Variants in MBNL2 observed in about 807,000 individuals in gnomAD.
MBNL2 encodes the protein muscleblind-like protein 2.
MBNL2 carries 17 observed loss-of-function variants against 41.9 expected under a neutral mutation model. That is an observed-to-expected ratio of 0.41 (90% CI 0.28 to 0.61). MBNL2 has a LOEUF of 0.61. MBNL2 is among the 20% of genes least tolerant of loss of function. The probability of loss-of-function intolerance (pLI) is 0.35; values close to 1 mark genes in which losing one functional copy is unlikely to be tolerated. For synonymous variants in MBNL2, 195 were observed against 182.9 expected (o/e 1.07, Z -0.53); for missense variants, 336 against 505.6 (o/e 0.66, Z 3.22).
intron 1 of MBNL2, among the ~76,000 whole-genome samples, chr13:97,249,142 T>C (rs2046046501): frequency 6.6e-6 from 1 of 152,240 alleles, no homozygotes; most frequent in Non-Finnish European, 1.5e-5. Context: ...ATATGCCTAC[T>C]ATATCGTCGT....
chr13:97,357,889 G>T, intron 7 of MBNL2: 1 of 540,544 alleles, frequency 1.8e-6, no homozygotes, highest in African/African-American at 1.9e-5. Flanking sequence ...TAGGGCTTTT[G>T]GTTTCTTGTA....
At chr13:97,373,465 T>TAAA (rs550244280) in intron 8 of MBNL2, among the ~76,000 whole-genome samples, 18 of 140,810 alleles carry the variant, frequency 1.3e-4, no homozygotes, top group African/African-American at 4.7e-4. Context: ...TTTCTTTGTG[T>TAAA]AAAAAAAAAA....
rs1222598409 is a variant in MBNL2 at position 97,373,016 on chromosome 13, A to G, written c.1048+7845A>G. On this transcript the variant is annotated intron_variant, in intron 8 of 8. Coordinates refer to ENST00000679496, the MANE Select transcript of MBNL2 (RefSeq NM_001382683.1). The stretch of plus-strand genomic sequence containing the variant: ...AAAAATCTTGGTTCAGCAAGGCCCC[A>G]GTGTGGGAGGAGTAGGATCCTGTCC... Among the ~76,000 whole-genome samples the G allele has an allele frequency of 2.6e-5, 4 of 152,216 alleles. No individual in the cohort carries two copies. In the South Asian group the frequency reaches 8.3e-4, roughly 32 times the overall value.
At position 97,276,170 on chromosome 13, in the gene MBNL2, A is replaced by G; in HGVS notation, c.-66A>G. The G allele has an allele frequency of 7.9e-7, 1 of 1,266,340 alleles. No individual in the cohort carries two copies. Among genetic ancestry groups the G allele is most frequent in the Non-Finnish European group, 1.1e-6 (1 of 879,870 alleles). 78.4% of individuals were successfully genotyped at this position (1,266,340 alleles called of 1,614,324 possible). A position where few individuals can be genotyped will look rare whatever the true frequency, so the allele number is the denominator to read the frequency against. On this transcript the variant is annotated 5_prime_UTR_variant, in exon 2 of 9. Coordinates refer to ENST00000679496, the MANE Select transcript of MBNL2 (RefSeq NM_001382683.1). Reference sequence around the variant, plus strand: ...GGAGTTTTCACAACAGTAGTTTTGGAATCATTAGAACTTGGATTGATTTCA... The same window carrying G: ...GGAGTTTTCACAACAGTAGTTTTGGGATCATTAGAACTTGGATTGATTTCA...
At chr13:97,315,405 C>T (rs1218505435) in intron 2 of MBNL2, among the ~76,000 whole-genome samples, 1 of 152,192 alleles carries the variant, frequency 6.6e-6, no homozygotes, top group Non-Finnish European at 1.5e-5. Flanking sequence ...TGGCTATTCC[C>T]AATGGCAGGA....
At position 97,346,917 on chromosome 13, in the gene MBNL2, T is replaced by C. The variant is rs1327917928; in HGVS notation, c.654T>C (p.Cys218=). The change falls in exon 5 of 9, where the codon TGT becomes TGC. Residue 218 remains cysteine, a synonymous_variant. Coordinates refer to ENST00000679496, the MANE Select transcript of MBNL2 (RefSeq NM_001382683.1). This position sits in a 1 kb window ranked among gnomAD's most constrained non-coding sequence, Gnocchi z 4.2. Reference sequence around the variant, plus strand: ...CAAGTGACAACACCGTAACCGTTTGTATGGATTACATAAAGGGGCGTTGCA... The same window carrying C: ...CAAGTGACAACACCGTAACCGTTTGCATGGATTACATAAAGGGGCGTTGCA... ...IDTSDNTVTV[C]MDYIKGRCMR... The C allele has an allele frequency of 6.2e-7, 1 of 1,614,130 alleles. No individual in the cohort carries two copies.
rs73555790 is a variant in MBNL2 at position 97,267,268 on chromosome 13, G to C, written c.-604-8364G>C. Among the ~76,000 whole-genome samples, 990 of 152,278 alleles carry C rather than the reference G, an allele frequency of 6.5e-3. 12 individuals are homozygous for C. Among genetic ancestry groups the C allele is most frequent in the African/African-American group, 0.023 (938 of 41,548 alleles). Reference sequence around the variant, plus strand: ...AGCTGCAAAAGAATGTGAGCGGCAAGTTCTTTTATACAGTCAAAAGTGAAT... The same window carrying C: ...AGCTGCAAAAGAATGTGAGCGGCAACTTCTTTTATACAGTCAAAAGTGAAT... On this transcript the variant is annotated intron_variant, in intron 1 of 8. Coordinates refer to ENST00000679496, the MANE Select transcript of MBNL2 (RefSeq NM_001382683.1).
chr13:97,329,650 A>ACACATACAACATG (rs2060218829), intron 2 of MBNL2, among the ~76,000 whole-genome samples: 1 of 151,810 alleles, frequency 6.6e-6, no homozygotes, highest in Non-Finnish European at 1.5e-5. Context: ...CACACACAAT[A>ACACATACAACATG]CACACACATG....
chr13:97,155,381 C>CTT, the MBNL2 span, among the ~76,000 whole-genome samples: 4 of 139,874 alleles, frequency 2.9e-5, no homozygotes, highest in East Asian at 2.1e-4. Context: ...AAGTAATTTT[C>CTT]TTTTTTTTTT....
the MBNL2 span, among the ~76,000 whole-genome samples, chr13:97,214,799 G>A: frequency 0.16 from 25,067 of 152,206 alleles, 2,688 homozygotes; most frequent in African/African-American, 0.31. Context: ...AGTGAGCACA[G>A]TGACAGATGC....
the MBNL2 span, among the ~76,000 whole-genome samples, chr13:97,192,771 A>G: frequency 6.6e-6 from 1 of 152,202 alleles, no homozygotes; most frequent in African/African-American, 2.4e-5. Context: ...ATTAGCTTTC[A>G]CTCTCAAACA....
rs756068184 is a variant in MBNL2, at chr13:97,366,630, G to T, written c.1048+1459G>T. The T allele has an allele frequency of 6.5e-6, 6 of 927,716 alleles. No individual in the cohort carries two copies. The highest frequency in any genetic ancestry group is 1.4e-5 in the South Asian group (1 of 72,066). 57.5% of individuals were successfully genotyped at this position (927,716 alleles called of 1,614,324 possible). A position where few individuals can be genotyped will look rare whatever the true frequency, so the allele number is the denominator to read the frequency against. On this transcript the variant is annotated intron_variant, in intron 8 of 8. Coordinates refer to ENST00000679496, the MANE Select transcript of MBNL2 (RefSeq NM_001382683.1). This position sits in a 1 kb window ranked among gnomAD's most constrained non-coding sequence, Gnocchi z 4.7. ...CTGATATTTAAAAAAAAAATTCTCGGTGAGAATTTTTTTTTCATGTTTATC... is the reference window on the plus strand; with the variant it reads ...CTGATATTTAAAAAAAAAATTCTCGTTGAGAATTTTTTTTTCATGTTTATC...
At chr13:97,159,461 C>G in the MBNL2 span, among the ~76,000 whole-genome samples, 1 of 151,228 alleles carries the variant, frequency 6.6e-6, no homozygotes, top group Non-Finnish European at 1.5e-5. Context: ...GGTTATTTTG[C>G]TCGTTCGTTG....
At chr13:97,206,395 G>A in the MBNL2 span, among the ~76,000 whole-genome samples, 1 of 152,074 alleles carries the variant, frequency 6.6e-6, no homozygotes, top group African/African-American at 2.4e-5. Flanking sequence ...TATGGGAGTG[G>A]AAGGGAGGGG....
intron 7 of MBNL2, among the ~76,000 whole-genome samples, chr13:97,363,874 A>G (rs1263993101): frequency 1.3e-5 from 2 of 152,156 alleles, no homozygotes; most frequent in African/African-American, 2.4e-5. Flanking sequence ...GTCGCCCTCC[A>G]GCGTGAACAG....
intron 8 of MBNL2, among the ~76,000 whole-genome samples, chr13:97,373,856 G>A (rs1483548956): frequency 6.6e-6 from 1 of 151,930 alleles, no homozygotes; most frequent in Non-Finnish European, 1.5e-5. Context: ...TGTAAGTGTT[G>A]TAATCTAGTA....
chr13:97,305,610 A>AG (rs2058049860), intron 2 of MBNL2, among the ~76,000 whole-genome samples: 1 of 48,408 alleles, frequency 2.1e-5, no homozygotes, highest in South Asian at 9.0e-4. Flanking sequence ...CAAAAAATAC[A>AG]AAAAATTAGC....
At chr13:97,143,458 A>C in the MBNL2 span, among the ~76,000 whole-genome samples, 1 of 152,220 alleles carries the variant, frequency 6.6e-6, no homozygotes, top group Non-Finnish European at 1.5e-5. Context: ...TCTAACATGC[A>C]AAACTGCATG....
chr13:97,279,314 G>T (rs906370600), intron 2 of MBNL2, among the ~76,000 whole-genome samples: 1 of 152,164 alleles, frequency 6.6e-6, no homozygotes, highest in African/African-American at 2.4e-5. Context: ...TACCTCGTTG[G>T]CTTCAGTTTT....
Sources: allele counts gnomAD v4.1 joint callset (sites outside exome capture counted in the v4.1 genomes callset), GRCh38; gene constraint gnomAD v4.1.1; non-coding constraint Gnocchi (gnomAD v3.1); transcripts MANE v1.5; gene names NCBI Gene and HGNC (gene_info 2026-07-23, HGNC 2026-07-21).